The following BCAR1 variants were observed in gnomAD, a reference collection of about 807,000 sequenced individuals.
The protein encoded by BCAR1 is breast cancer anti-estrogen resistance protein 1.
BCAR1 carries 30 observed loss-of-function variants against 67.6 expected under a neutral mutation model. The ratio of observed to expected loss-of-function variants is 0.44; its 90% CI spans 0.33 to 0.60. BCAR1 has a LOEUF of 0.60. Ranked by LOEUF, BCAR1 falls within the 20% of genes least tolerant of loss-of-function variation. The pLI is 0.02. For missense variants in BCAR1, 1,313 were observed against 1,222.3 expected, an observed-to-expected ratio of 1.07 and a Z score of -1.11; for synonymous variants, 626 against 556.7, an observed-to-expected ratio of 1.12 and a Z score of -1.75.
At chr16:75,251,988 C>A, upstream of BCAR1, 1 of 615,078 alleles carries the variant, frequency 1.6e-6, no homozygotes, top group Non-Finnish European at 2.8e-6. Flanking sequence ...GAGACATGGC[C>A]TCAAGTCGAC....
At position 75,266,611 on chromosome 16, in the gene BCAR1, C is replaced by A. The variant is rs954229726; in HGVS notation, c.66+1304G>T. ...TGGTGCCCACACATGGCACCTGCAGCCACTGGGCACGTGCATGTTCGTCCC... is the reference window on the plus strand; with the variant it reads ...TGGTGCCCACACATGGCACCTGCAGACACTGGGCACGTGCATGTTCGTCCC... On this transcript the variant is annotated intron_variant, in intron 1 of 6. Coordinates refer to the BCAR1 transcript ENST00000393422. 64 of 794,470 alleles carry A rather than the reference C, an allele frequency of 8.1e-5. No individual in the cohort carries two copies. The African/African-American group carries it at 1.1e-3, about 13-fold the overall frequency. 49.2% of individuals were successfully genotyped at this position (794,470 alleles called of 1,614,324 possible).
At chr16:75,244,049 G>C (rs1393157364) in intron 1 of BCAR1, among the ~76,000 whole-genome samples, 10 of 152,210 alleles carry the variant, frequency 6.6e-5, no homozygotes, top group African/African-American at 9.6e-5. Context: ...GGCTGCATGG[G>C]TTCCACAGGG....
intron 1 of BCAR1, chr16:75,263,720 A>C (rs2077951694): frequency 4.6e-5 from 45 of 985,586 alleles, no homozygotes; most frequent in Non-Finnish European, 5.4e-5. Flanking sequence ...CATCTAGGAA[A>C]AGACTGCCCA....
chr16:75,238,292 C>A, intron 2 of BCAR1: 34 of 1,155,260 alleles, frequency 2.9e-5, no homozygotes, highest in Non-Finnish European at 3.7e-5. Context: ...AGCCCCCGGG[C>A]ACACTGCGCC....
Position 75,235,141 on chromosome 16 carries a change from C to T in BCAR1, c.1758G>A (p.Val586=), listed in dbSNP as rs764961997. The T allele has an allele frequency of 1.2e-6, 2 of 1,609,238 alleles. No individual in the cohort carries two copies. Among genetic ancestry groups the T allele is most frequent in the East Asian group, 2.2e-5 (1 of 44,858 alleles). Residue 586 remains valine (V), a synonymous_variant, in exon 5 of 7, where the codon GTG becomes GTA. Coordinates refer to ENST00000162330, the MANE Select transcript of BCAR1 (RefSeq NM_014567.5). ...LDRLVACSRA[V]PEDAKQLASF... ...AGGCCAGCTGCTTGGCGTCCTCGGG[C>T]ACAGCCCGCGAGCAGGCCACCAGCC...
At chr16:75,234,541 G>A (rs926947277) in intron 5 of BCAR1, among the ~76,000 whole-genome samples, 2 of 152,152 alleles carry the variant, frequency 1.3e-5, no homozygotes, top group Non-Finnish European at 2.9e-5. Context: ...CTGCTCCAGG[G>A]GCCAGCCTGG....
At chr16:75,259,525 C>T (rs1346489824) in intron 1 of BCAR1, among the ~76,000 whole-genome samples, 1 of 152,140 alleles carries the variant, frequency 6.6e-6, no homozygotes, top group Non-Finnish European at 1.5e-5. Flanking sequence ...TATCTTGTGG[C>T]ACATCCATTA....
At chr16:75,236,555 C>A in intron 4 of BCAR1, 1 of 440,594 alleles carries the variant, frequency 2.3e-6, no homozygotes, top group South Asian at 5.5e-5. Flanking sequence ...GCTGGTTTGT[C>A]CCTGATGCCC....
Position 75,234,879 on chromosome 16 carries a change from C to A in BCAR1, c.2010+10G>T. 3 of 1,522,946 alleles carry A rather than the reference C, an allele frequency of 2.0e-6. No homozygotes were observed. The highest frequency in any genetic ancestry group is 1.3e-5 in the South Asian group (1 of 77,320). The allele number at this position is 1,522,946 out of a possible 1,614,324, so 94.3% of individuals were successfully genotyped here. On this transcript the variant is annotated intron_variant, in intron 5 of 6. Coordinates refer to ENST00000162330, the MANE Select transcript of BCAR1 (RefSeq NM_014567.5). ...AGAAGAGGAGCCGGGGCTGGGCAGG[C>A]GGCACCCACCTGTAGGTGGACGTAG...
intron 1 of BCAR1, among the ~76,000 whole-genome samples, chr16:75,258,776 T>G (rs1387003819): frequency 6.6e-6 from 1 of 152,220 alleles, no homozygotes; most frequent in African/African-American, 2.4e-5. Context: ...GAAACCCAGA[T>G]GCTGGGGCCA....
chr16:75,253,681 T>C (rs2077722362), upstream of BCAR1, among the ~76,000 whole-genome samples: 1 of 152,230 alleles, frequency 6.6e-6, no homozygotes, highest in South Asian at 2.1e-4. Flanking sequence ...CAGAATGGCA[T>C]TTCCGCTTTG....
chr16:75,255,959 C>A (rs865886846), upstream of BCAR1, among the ~76,000 whole-genome samples: 6 of 152,374 alleles, frequency 3.9e-5, no homozygotes, highest in Middle Eastern at 0.01. Flanking sequence ...CCATTGCACT[C>A]CAGCCTGGGC....
Position 75,229,499 on chromosome 16 carries a change from G to A in BCAR1, c.*12C>T. 1 of 1,545,096 alleles carries A rather than the reference G, an allele frequency of 6.5e-7. No homozygotes were observed. The highest frequency in any genetic ancestry group is 1.2e-5 in the South Asian group (1 of 83,034). On this transcript the variant is annotated 3_prime_UTR_variant, in exon 7 of 7. Coordinates refer to ENST00000162330, the MANE Select transcript of BCAR1 (RefSeq NM_014567.5). ...GCACCCCTCCCCTGCCTCCCTCCTG[G>A]GGTCACCACCCTCAGGCGGCTGCCA...
intron 1 of BCAR1, among the ~76,000 whole-genome samples, chr16:75,244,516 G>A (rs866496770): frequency 6.6e-6 from 1 of 152,258 alleles, no homozygotes; most frequent in Non-Finnish European, 1.5e-5. Flanking sequence ...ATCAGAGGGC[G>A]ATGGCATACC....
At chr16:75,254,823 T>G (rs925855444), upstream of BCAR1, among the ~76,000 whole-genome samples, 2 of 148,712 alleles carry the variant, frequency 1.3e-5, no homozygotes, top group African/African-American at 2.6e-5. Flanking sequence ...AATAGCTGTT[T>G]GTACAGAAAA....
chr16:75,264,267 C>G, intron 1 of BCAR1: 1 of 1,366,182 alleles, frequency 7.3e-7, no homozygotes, highest in Non-Finnish European at 9.5e-7. Flanking sequence ...CAAACCAAAT[C>G]AAACGGGGAC....
At chr16:75,260,404 G>A (rs1354824821) in intron 1 of BCAR1, among the ~76,000 whole-genome samples, 1 of 151,878 alleles carries the variant, frequency 6.6e-6, no homozygotes, top group African/African-American at 2.4e-5. Context: ...TTCAGGAGGC[G>A]GAGGCAGACG....
intron 2 of BCAR1, chr16:75,238,324 T>C (rs2077214246): frequency 8.8e-7 from 1 of 1,141,442 alleles, no homozygotes. Flanking sequence ...ACCACCAGGC[T>C]CCCTGTTCAG....
intron 1 of BCAR1, chr16:75,265,112 G>A (rs2077975837): frequency 6.6e-6 from 1 of 152,448 alleles, no homozygotes; most frequent in Admixed American, 6.5e-5. Flanking sequence ...GCCCGGCCAG[G>A]AAGAGGGGGT....
Sources: allele counts gnomAD v4.1 joint callset (sites outside exome capture counted in the v4.1 genomes callset), GRCh38; gene constraint gnomAD v4.1.1; transcripts MANE v1.5; gene names NCBI Gene and HGNC (gene_info 2026-07-23, HGNC 2026-07-21).